The following MYO1H variants were observed in gnomAD, a reference collection of about 807,000 sequenced individuals.
MYO1H encodes unconventional myosin-Ih.
MYO1H carries 118 observed loss-of-function variants against 149.3 expected under a neutral mutation model. The ratio of observed to expected loss-of-function variants is 0.79; its 90% CI spans 0.68 to 0.92. The LOEUF (loss-of-function observed/expected upper bound fraction) is 0.92. MYO1H is among the 40% of genes least tolerant of loss of function. The probability of loss-of-function intolerance (pLI) is 0.00; values close to 1 mark genes in which losing one functional copy is unlikely to be tolerated. For missense variants in MYO1H, 1,212 were observed against 1,280.7 expected, an observed-to-expected ratio of 0.95 and a Z score of 0.82; for synonymous variants, 447 against 465.2, an observed-to-expected ratio of 0.96 and a Z score of 0.50.
At chr12:109,400,965 C>A in intron 5 of MYO1H, 128 bp from the exon 6 acceptor site, 1 of 848,710 alleles carries the variant, frequency 1.2e-6, no homozygotes, top group Non-Finnish European at 1.7e-6. Flanking sequence ...ATTGATATGT[C>A]CAAAAAAAAG....
chr12:109,442,218 T>C, exon 27 of MYO1H: 6 of 1,613,750 alleles, frequency 3.7e-6, no homozygotes, highest in Non-Finnish European at 5.1e-6. Flanking sequence ...CCTCTCTAGA[T>C]GAAGGAGACA....
chr12:109,371,649 T>C (rs1287517414), intron 1 of MYO1H, among the ~76,000 whole-genome samples: 1 of 152,216 alleles, frequency 6.6e-6, no homozygotes, highest in East Asian at 1.9e-4. Context: ...TATTATTTTG[T>C]TCACATGAGA....
chr12:109,410,023 G>T, exon 12 of MYO1H: 1 of 1,545,434 alleles, frequency 6.5e-7, no homozygotes, highest in East Asian at 2.4e-5. Flanking sequence ...TAATTGAGAG[G>T]ACTCTAAAAG....
chr12:109,323,529 TC>T, the MYO1H span, among the ~76,000 whole-genome samples: 1 of 152,178 alleles, frequency 6.6e-6, no homozygotes. Context: ...CTCACTTAGG[TC>T]CCTTGAGGAT....
chr12:109,347,854 C>T (rs1436633803), upstream of MYO1H: 1 of 398,580 alleles, frequency 2.5e-6, no homozygotes, highest in African/African-American at 2.1e-5. Flanking sequence ...TCGCCTCATA[C>T]CTTGTTGCTG....
rs779007918 is a variant in MYO1H, at chr12:109,407,791, C to G, written c.1036-3C>G. On this transcript the variant is annotated splice_polypyrimidine_tract_variant and splice_region_variant and intron_variant, in intron 9 of 31. Coordinates refer to ENST00000310903, the Ensembl canonical transcript of MYO1H. Reference sequence around the variant, plus strand: ...TAATGATGCACCTTGTCATTCTTTTCAGGTGATCTGCCCGTTGACACTAGA... The same window carrying G: ...TAATGATGCACCTTGTCATTCTTTTGAGGTGATCTGCCCGTTGACACTAGA... 1.2e-6 allele frequency: 2 copies of G among 1,613,354 alleles called. No homozygotes were observed. The highest frequency in any genetic ancestry group is 1.7e-6 in the Non-Finnish European group (2 of 1,179,574).
intron 16 of MYO1H, among the ~76,000 whole-genome samples, chr12:109,421,744 T>A (rs1871182299): frequency 6.6e-6 from 1 of 152,106 alleles, no homozygotes; most frequent in Non-Finnish European, 1.5e-5. Flanking sequence ...CTGGAGATGG[T>A]ATTAGCCCCC....
At chr12:109,330,544 C>A in the MYO1H span, among the ~76,000 whole-genome samples, 1 of 152,152 alleles carries the variant, frequency 6.6e-6, no homozygotes, top group Non-Finnish European at 1.5e-5. Context: ...GTGACCCATG[C>A]TTTGTTGCCA....
At position 109,447,045 on chromosome 12, in the gene MYO1H, C is replaced by G; in HGVS notation, c.3094-114C>G. ...GTCTCATGGGAGGTGGCACTGGCTT[C>G]TCACAGGCCCTCCACACCCACCTTG... On this transcript the variant is annotated intron_variant, in intron 31 of 31. Transcript: ENST00000310903. 5.6e-6 allele frequency: 6 copies of G among 1,080,616 alleles called. No individual in the cohort carries two copies. In the Middle Eastern group the frequency reaches 7.7e-4, roughly 138 times the overall value. 66.9% of individuals were successfully genotyped at this position (1,080,616 alleles called of 1,614,324 possible). A position where few individuals can be genotyped will look rare whatever the true frequency, so the allele number is the denominator to read the frequency against.
the MYO1H span, among the ~76,000 whole-genome samples, chr12:109,341,073 A>G: frequency 0.2 from 29,697 of 151,604 alleles, 4,453 homozygotes; most frequent in African/African-American, 0.42. Context: ...CTGTAATCCC[A>G]GCTACTCAGG....
chr12:109,394,731 C>T (rs548382074), intron 3 of MYO1H, among the ~76,000 whole-genome samples: 2 of 152,218 alleles, frequency 1.3e-5, no homozygotes, highest in South Asian at 2.1e-4. Flanking sequence ...AGCTATTCCA[C>T]TTTCTAAGTC....
intron 10 of MYO1H, among the ~76,000 whole-genome samples, chr12:109,409,351 G>A (rs1347730817): frequency 6.8e-6 from 1 of 147,026 alleles, no homozygotes; most frequent in Non-Finnish European, 1.5e-5. Flanking sequence ...GACTACACAG[G>A]TGATGGCTAT....
intron 5 of MYO1H, among the ~76,000 whole-genome samples, chr12:109,400,239 C>T (rs915290001): frequency 6.6e-6 from 1 of 152,188 alleles, no homozygotes; most frequent in African/African-American, 2.4e-5. Flanking sequence ...AACATCCTTG[C>T]ACATGCCCTT....
chr12:109,353,462 T>C (rs1331697641), intron 1 of MYO1H, among the ~76,000 whole-genome samples: 1 of 150,758 alleles, frequency 6.6e-6, no homozygotes, highest in Non-Finnish European at 1.5e-5. Context: ...GTTGCTTGAA[T>C]TTTGATTCCT....
chr12:109,427,912 AT>A (rs1566038982), intron 19 of MYO1H, among the ~76,000 whole-genome samples: 126 of 51,914 alleles, frequency 2.4e-3, no homozygotes, highest in Middle Eastern at 8.9e-3. Context: ...AAAAAAAAAT[AT>A]ATATATATAT....
chr12:109,409,246 CTTTTTTTTTTTTTT>C (rs66507410), intron 10 of MYO1H, among the ~76,000 whole-genome samples: 2 of 47,840 alleles, frequency 4.2e-5, no homozygotes, highest in South Asian at 9.4e-4. Context: ...TCTTCTTCTT[CTTTTTTTTTTTTTT>C]TTTTTTTTTT....
At chr12:109,347,272 G>T (rs1234857086), upstream of MYO1H, among the ~76,000 whole-genome samples, 2 of 152,244 alleles carry the variant, frequency 1.3e-5, no homozygotes, top group African/African-American at 4.8e-5. Flanking sequence ...TATACGATGA[G>T]GCCCAGACCA....
chr12:109,326,980 C>T, the MYO1H span, among the ~76,000 whole-genome samples: 2 of 152,272 alleles, frequency 1.3e-5, no homozygotes, highest in South Asian at 2.1e-4. Context: ...CTCTTCAATA[C>T]ATCTCTTAGA....
chr12:109,388,604 CTTG>C, intron 1 of MYO1H, 76 bp from the exon 2 acceptor site: 3 of 1,292,990 alleles, frequency 2.3e-6, no homozygotes, highest in Non-Finnish European at 3.1e-6. Context: ...GGTTTAGCAT[CTTG>C]TTATTTCCAT....
Sources: allele counts gnomAD v4.1 joint callset (sites outside exome capture counted in the v4.1 genomes callset), GRCh38; gene constraint gnomAD v4.1.1; transcripts MANE v1.5; gene names NCBI Gene and HGNC (gene_info 2026-07-23, HGNC 2026-07-21).